RCOR1: variants seen among roughly 807,000 people sequenced by gnomAD.
RCOR1 encodes REST corepressor 1.
A neutral mutation model predicts 64.0 loss-of-function variants in RCOR1; 12 were observed. The ratio of observed to expected loss-of-function variants is 0.19; its 90% CI spans 0.12 to 0.30. RCOR1 has a LOEUF of 0.30. Among genes scored for constraint, RCOR1 ranks in the 10% least tolerant of loss-of-function variants. RCOR1 has a pLI of 1.00. For missense variants in RCOR1, 502 were observed against 621.2 expected (o/e 0.81, Z 2.04); for synonymous variants, 279 against 227.2 (o/e 1.23, Z -2.05).
chr14:102,634,778 C>T (rs1049763888), intron 2 of RCOR1, among the ~76,000 whole-genome samples: 1 of 151,672 alleles, frequency 6.6e-6, no homozygotes, highest in African/African-American at 2.4e-5. Flanking sequence ...CTCACGACAA[C>T]CTCTACCTCC....
At chr14:102,614,978 C>T (rs543424908) in intron 2 of RCOR1, among the ~76,000 whole-genome samples, 27 of 151,570 alleles carry the variant, frequency 1.8e-4, no homozygotes, top group Admixed American at 1.4e-3. Context: ...AGTACAGGCA[C>T]GTGCCACCAT....
chr14:102,698,189 AGAG>A (rs1234095034), intron 3 of RCOR1, among the ~76,000 whole-genome samples: 4 of 152,238 alleles, frequency 2.6e-5, no homozygotes, highest in Non-Finnish European at 4.4e-5. Context: ...ATAAAGCAAA[AGAG>A]GAGTTGAAAA....
intron 2 of RCOR1, 39 bp downstream of exon 2, chr14:102,593,364 CG>C: frequency 6.7e-7 from 1 of 1,484,082 alleles, no homozygotes; most frequent in Non-Finnish European, 8.9e-7. Flanking sequence ...CGGGGATGAG[CG>C]GGAGCCCCGG....
chr14:102,706,142 A>AAAAAAC (rs1281591870), intron 4 of RCOR1, among the ~76,000 whole-genome samples: 1 of 138,642 alleles, frequency 7.2e-6, no homozygotes, highest in Admixed American at 7.2e-5. Flanking sequence ...AAAAAAAAAA[A>AAAAAAC]CCTAAAAAAA....
chr14:102,685,704 G>C (rs1895404145), intron 3 of RCOR1, among the ~76,000 whole-genome samples: 1 of 152,108 alleles, frequency 6.6e-6, no homozygotes. Context: ...TCTCACCCCT[G>C]TAATCCCAAC....
intron 2 of RCOR1, among the ~76,000 whole-genome samples, chr14:102,613,242 C>A (rs1009827375): frequency 2.6e-5 from 4 of 151,908 alleles, no homozygotes; most frequent in Middle Eastern, 3.2e-3. Context: ...GCTGGGACTA[C>A]AGGCGTGCGC....
At chr14:102,712,788 ATTGTAG>A in intron 7 of RCOR1, among the ~76,000 whole-genome samples, 1 of 152,006 alleles carries the variant, frequency 6.6e-6, no homozygotes, top group East Asian at 1.9e-4. Flanking sequence ...GGGAAATCAA[ATTGTAG>A]TTGTAGTTTT....
At chr14:102,599,305 A>AT (rs1256371835) in intron 2 of RCOR1, among the ~76,000 whole-genome samples, 2 of 151,686 alleles carry the variant, frequency 1.3e-5, no homozygotes, top group Non-Finnish European at 2.9e-5. Context: ...GTTTTTTTGT[A>AT]TTTTTTGTAG....
chr14:102,676,094 T>TCTGTA (rs1895143015), intron 2 of RCOR1, among the ~76,000 whole-genome samples: 1 of 149,596 alleles, frequency 6.7e-6, no homozygotes, highest in Non-Finnish European at 1.5e-5. Context: ...AAATGAAAAG[T>TCTGTA]CTCCCATGTC....
intron 2 of RCOR1, among the ~76,000 whole-genome samples, chr14:102,608,965 CT>C (rs914249644): frequency 3.4e-5 from 5 of 149,144 alleles, no homozygotes; most frequent in Non-Finnish European, 7.4e-5. Flanking sequence ...TGTTTTCATC[CT>C]TTTAGGGGTA....
intron 8 of RCOR1, among the ~76,000 whole-genome samples, chr14:102,718,048 C>G (rs1355620649): frequency 8.5e-5 from 13 of 152,202 alleles, no homozygotes; most frequent in Non-Finnish European, 1.0e-4. Flanking sequence ...ACTCGACTAA[C>G]AACAGCTTAA....
rs775913279 is a variant in RCOR1 at position 102,593,051 on chromosome 14, G to GGCCGCCGCCGCCTCA, written c.178_192dup (p.Ser60_Ala64dup). 3.6e-6 allele frequency: 5 copies of GGCCGCCGCCGCCTCA among 1,381,208 alleles called. No individual in the cohort carries two copies. The highest frequency in any genetic ancestry group is 3.2e-5 in the Admixed American group (1 of 31,580). The allele number at this position is 1,381,208 out of a possible 1,614,324, so 85.6% of individuals were successfully genotyped here. On this transcript the variant is annotated inframe_insertion, in exon 1 of 12. Coordinates refer to ENST00000262241, the MANE Select transcript of RCOR1 (RefSeq NM_015156.4). ...CGGGCGCCGCCGCCTCCTCAGCCTC[G>GGCCGCCGCCGCCTCA]GCCGCCGCCGCCTCAGCCGCCGCCG...
In RCOR1 at chr14:102,593,037, G is replaced by A; in HGVS notation, c.151G>A (p.Ala51Thr). The A allele has an allele frequency of 7.8e-7, 1 of 1,290,188 alleles. No individual in the cohort carries two copies. Among genetic ancestry groups the A allele is most frequent in the Non-Finnish European group, 9.9e-7 (1 of 1,010,604 alleles). 79.9% of individuals were successfully genotyped at this position (1,290,188 alleles called of 1,614,324 possible). ...PAATAASGAA[A>T]SSASAAAASA... Reference sequence around the variant, plus strand: ...CGCCACTGCCGCCTCGGGCGCCGCCGCCTCCTCAGCCTCGGCCGCCGCCGC... The same window carrying A: ...CGCCACTGCCGCCTCGGGCGCCGCCACCTCCTCAGCCTCGGCCGCCGCCGC... Residue 51 changes from alanine (A) to threonine (T), a missense_variant, in exon 1 of 12, where the codon GCC becomes ACC. Ala to Thr is a moderately conservative substitution (Grantham distance 58). Around this residue, in one of 2 missense-constraint regions of RCOR1, gnomAD observed 242 missense variants for 204.9 expected, o/e 1.18. Coordinates refer to ENST00000262241, the MANE Select transcript of RCOR1 (RefSeq NM_015156.4).
chr14:102,687,350 G>T (rs189598662), intron 3 of RCOR1, among the ~76,000 whole-genome samples: 1 of 152,172 alleles, frequency 6.6e-6, no homozygotes, highest in African/African-American at 2.4e-5. Context: ...TAGATCTCTT[G>T]TCTCCAGACA....
intron 2 of RCOR1, among the ~76,000 whole-genome samples, chr14:102,632,448 G>A (rs936830598): frequency 1.2e-4 from 18 of 151,512 alleles, no homozygotes; most frequent in Non-Finnish European, 2.4e-4. Flanking sequence ...CTCGTGATCT[G>A]CCTGCCTCGG....
intron 2 of RCOR1, among the ~76,000 whole-genome samples, chr14:102,640,160 TTTTA>T (rs1894337467): frequency 6.6e-6 from 1 of 152,088 alleles, no homozygotes; most frequent in Non-Finnish European, 1.5e-5. Context: ...TATATGTATT[TTTTA>T]TTTGAGTTTG....
intron 3 of RCOR1, among the ~76,000 whole-genome samples, chr14:102,690,853 C>T (rs1222694201): frequency 6.6e-6 from 1 of 152,156 alleles, no homozygotes; most frequent in Non-Finnish European, 1.5e-5. Context: ...GTGTTCAGTT[C>T]TCTGTCAGTC....
At position 102,592,697 on chromosome 14, in the gene RCOR1, T is replaced by A; in HGVS notation, c.-190T>A. On this transcript the variant is annotated 5_prime_UTR_variant, in exon 1 of 12. Transcript: ENST00000262241. ...GATGAGAGCGAAAGTTGCGCTCGGCTCGTCGCTGGGGGCTTGAAGCGGCTC... is the reference window on the plus strand; with the variant it reads ...GATGAGAGCGAAAGTTGCGCTCGGCACGTCGCTGGGGGCTTGAAGCGGCTC... 1.6e-6 allele frequency: 2 copies of A among 1,226,484 alleles called. No individual in the cohort carries two copies. The highest frequency in any genetic ancestry group is 2.0e-6 in the Non-Finnish European group (2 of 984,926). 76.0% of individuals were successfully genotyped at this position (1,226,484 alleles called of 1,614,324 possible).
chr14:102,629,135 A>T (rs1223206277), intron 2 of RCOR1, among the ~76,000 whole-genome samples: 1 of 151,942 alleles, frequency 6.6e-6, no homozygotes, highest in Non-Finnish European at 1.5e-5. Flanking sequence ...GCACTCATTC[A>T]TCTGCCTGAA....
Sources: allele counts gnomAD v4.1 joint callset (sites outside exome capture counted in the v4.1 genomes callset), GRCh38; gene constraint gnomAD v4.1.1; regional missense constraint gnomAD v4.1.1; transcripts MANE v1.5; gene names NCBI Gene and HGNC (gene_info 2026-07-23, HGNC 2026-07-21).